The following C9orf85 variants were observed in gnomAD, a reference collection of about 807,000 sequenced individuals.
The protein encoded by C9orf85 is uncharacterized protein C9orf85.
Under a neutral mutation model 14.9 loss-of-function variants are expected in C9orf85, and 16 were observed. The observed-to-expected ratio is 1.08, with a 90% CI of 0.73 to 1.63. The LOEUF is 1.63. Ranked by LOEUF, C9orf85 falls within the 40% of genes most tolerant of loss-of-function variation. C9orf85 has a pLI of 0.00. For missense variants in C9orf85, 172 were observed against 186.1 expected (o/e 0.92, Z 0.44); for synonymous variants, 45 against 56.8 (o/e 0.79, Z 0.93).
At chr9:71,922,044 G>A (rs1437812368) in intron 1 of C9orf85, among the ~76,000 whole-genome samples, 3 of 151,916 alleles carry the variant, frequency 2.0e-5, no homozygotes, top group East Asian at 1.9e-4. Flanking sequence ...GTGTTCAAGC[G>A]ATTCTCCTAC....
chr9:71,920,070 C>T (rs1233051527), intron 1 of C9orf85, among the ~76,000 whole-genome samples: 1 of 152,056 alleles, frequency 6.6e-6, no homozygotes, highest in Non-Finnish European at 1.5e-5. Context: ...AGGACAGTCT[C>T]GATCTCTTGA....
chr9:71,921,484 C>G (rs998697845), intron 1 of C9orf85, among the ~76,000 whole-genome samples: 7 of 152,232 alleles, frequency 4.6e-5, no homozygotes, highest in African/African-American at 1.7e-4. Context: ...AAGGCTCCCC[C>G]ACCTCCCTTC....
intron 1 of C9orf85, among the ~76,000 whole-genome samples, chr9:71,914,018 C>T (rs560247906): frequency 1.4e-4 from 22 of 152,234 alleles, no homozygotes; most frequent in African/African-American, 4.1e-4. Flanking sequence ...AAAAATCATT[C>T]GGTTGATTGT....
Position 71,918,050 on chromosome 9 carries a change from GT to G in C9orf85, c.102+6215del, listed in dbSNP as rs1258278799. Among the ~76,000 whole-genome samples the G allele has an allele frequency of 1.1e-4, 16 of 152,266 alleles. No homozygotes were observed. The East Asian group carries it at 3.1e-3, about 29-fold the overall frequency. The stretch of plus-strand genomic sequence containing the variant: ...ATACAAAAATTAGCCAGGCGTGGTG[GT>G]GGCCGCCTGTAATCCCAGCTATTTG... On this transcript the variant is annotated intron_variant, in intron 1 of 3. Coordinates refer to ENST00000334731, the MANE Select transcript of C9orf85 (RefSeq NM_182505.5).
chr9:71,975,609 GA>G (rs1343329599), downstream of C9orf85, among the ~76,000 whole-genome samples: 2 of 152,218 alleles, frequency 1.3e-5, no homozygotes, highest in Non-Finnish European at 2.9e-5. Flanking sequence ...AAGGCGGACG[GA>G]TCACCTGAGG....
intron 1 of C9orf85, among the ~76,000 whole-genome samples, chr9:71,943,134 A>C (rs1589257091): frequency 6.6e-6 from 1 of 152,292 alleles, no homozygotes; most frequent in African/African-American, 2.4e-5. Flanking sequence ...GGCATAAAAT[A>C]CCTTATTTTA....
At chr9:71,959,938 A>G (rs533092719) in intron 2 of C9orf85, among the ~76,000 whole-genome samples, 2 of 152,336 alleles carry the variant, frequency 1.3e-5, no homozygotes, top group East Asian at 1.9e-4. Flanking sequence ...AGCATCCTCA[A>G]TGTACAAGAC....
chr9:71,956,741 A>G (rs906540589), intron 2 of C9orf85, among the ~76,000 whole-genome samples: 2 of 151,554 alleles, frequency 1.3e-5, no homozygotes, highest in South Asian at 2.1e-4. Flanking sequence ...AACCTGGGGG[A>G]AAAAAAAATC....
At chr9:71,977,380 A>G (rs1823024366), downstream of C9orf85, among the ~76,000 whole-genome samples, 1 of 152,264 alleles carries the variant, frequency 6.6e-6, no homozygotes, top group Non-Finnish European at 1.5e-5. Context: ...AAAAAGAGAA[A>G]GATCAGTGTA....
chr9:71,937,738 T>C (rs1828225599), intron 1 of C9orf85, among the ~76,000 whole-genome samples: 1 of 152,172 alleles, frequency 6.6e-6, no homozygotes. Context: ...TGCAGATCTA[T>C]ATCACCTATA....
At chr9:71,969,385 A>T (rs965981554) in intron 2 of C9orf85, among the ~76,000 whole-genome samples, 3 of 152,072 alleles carry the variant, frequency 2.0e-5, no homozygotes, top group Admixed American at 2.0e-4. Context: ...CAAGTGATCC[A>T]CCTGCCTCAG....
At chr9:71,970,075 G>A (rs1822817578) in intron 2 of C9orf85, among the ~76,000 whole-genome samples, 1 of 151,898 alleles carries the variant, frequency 6.6e-6, no homozygotes, top group African/African-American at 2.4e-5. Flanking sequence ...CTCTCAAGTA[G>A]CTGAGATTGC....
chr9:71,932,726 C>T (rs1042105903), intron 1 of C9orf85, among the ~76,000 whole-genome samples: 3 of 151,858 alleles, frequency 2.0e-5, no homozygotes, highest in African/African-American at 7.3e-5. Context: ...AATCATAAGG[C>T]ATAAAAGAAA....
At chr9:71,924,947 G>A (rs79771588) in intron 1 of C9orf85, among the ~76,000 whole-genome samples, 2,713 of 152,086 alleles carry the variant, frequency 0.018, 39 homozygotes, top group Non-Finnish European at 0.025. Flanking sequence ...ATAGTATTGT[G>A]GTTACTTTTA....
intron 1 of C9orf85, among the ~76,000 whole-genome samples, chr9:71,941,187 C>T (rs1821920441): frequency 6.6e-6 from 1 of 152,178 alleles, no homozygotes; most frequent in Non-Finnish European, 1.5e-5. Flanking sequence ...TTCAAGTTAG[C>T]ATTCTTCATC....
In C9orf85 at chr9:71,947,163, T is replaced by A. The variant is rs766399468; in HGVS notation, c.209+51T>A. On this transcript the variant is annotated intron_variant, in intron 2 of 3. Transcript: ENST00000334731. ...ACTTGGTGGTATATGTATCATAGTT[T>A]ATTATTTCATTTCCTGATTTTCAAA... The A allele has an allele frequency of 3.3e-6, 4 of 1,206,206 alleles. No individual in the cohort carries two copies. In the African/African-American group the frequency reaches 6.2e-5, roughly 19 times the overall value. The allele number at this position is 1,206,206 out of a possible 1,614,324, so 74.7% of individuals were successfully genotyped here. A position where few individuals can be genotyped will look rare whatever the true frequency, so the allele number is the denominator to read the frequency against.
intron 1 of C9orf85, among the ~76,000 whole-genome samples, chr9:71,930,589 G>A (rs918329259): frequency 4.6e-5 from 7 of 151,174 alleles, no homozygotes; most frequent in African/African-American, 1.7e-4. Context: ...GAGCCCCAGG[G>A]GTTGGAGGCC....
chr9:71,948,551 T>C (rs1822160715), intron 2 of C9orf85, among the ~76,000 whole-genome samples: 1 of 152,178 alleles, frequency 6.6e-6, no homozygotes, highest in Non-Finnish European at 1.5e-5. Flanking sequence ...AGATAGGGTC[T>C]CACTGTGTCA....
chr9:71,953,125 C>T (rs1373026355), intron 2 of C9orf85, among the ~76,000 whole-genome samples: 3 of 151,990 alleles, frequency 2.0e-5, no homozygotes, highest in Non-Finnish European at 2.9e-5. Context: ...CTAAACATCC[C>T]ACAGTTCACA....
Sources: allele counts gnomAD v4.1 joint callset (sites outside exome capture counted in the v4.1 genomes callset), GRCh38; gene constraint gnomAD v4.1.1; transcripts MANE v1.5; gene names NCBI Gene and HGNC (gene_info 2026-07-23, HGNC 2026-07-21).